ARMC8: variants seen among roughly 807,000 people sequenced by gnomAD.
ARMC8 encodes armadillo repeat-containing protein 8.
A neutral mutation model predicts 99.3 loss-of-function variants in ARMC8; 20 were observed. That is an observed-to-expected ratio of 0.20 (90% CI 0.14 to 0.29). ARMC8 has a LOEUF of 0.29. Ranked by LOEUF, ARMC8 falls within the 10% of genes least tolerant of loss-of-function variation. The pLI is 1.00. For missense variants in ARMC8, 569 were observed against 809.5 expected (o/e 0.70, Z 3.60); for synonymous variants, 263 against 278.3 (o/e 0.95, Z 0.55).
chr3:138,288,902 G>A, intron 19 of ARMC8, 146 bp from the exon 20 acceptor site: 3 of 607,394 alleles, frequency 4.9e-6, no homozygotes, highest in East Asian at 5.9e-5. Context: ...CTCCCAAAGT[G>A]CTGGGATTAC....
chr3:138,274,757 G>T lies in ARMC8; in HGVS notation c.1725+213G>T, dbSNP rs376582050. Reference sequence around the variant, plus strand: ...AAACATGACCAGCGTCTACAGTTTTGCTCTCTGTGTCATGCACTGTGCACA... The same window carrying T: ...AAACATGACCAGCGTCTACAGTTTTTCTCTCTGTGTCATGCACTGTGCACA... On this transcript the variant is annotated intron_variant, in intron 18 of 21. Coordinates refer to ENST00000469044, the MANE Select transcript of ARMC8 (RefSeq NM_001363941.2). 5.1e-4 allele frequency among the ~76,000 whole-genome samples: 78 copies of T among 152,214 alleles called. No homozygotes were observed. In the South Asian group the frequency reaches 0.015, roughly 29 times the overall value.
chr3:138,190,793 G>A (rs2043340557), intron 1 of ARMC8, among the ~76,000 whole-genome samples: 1 of 152,194 alleles, frequency 6.6e-6, no homozygotes, highest in Admixed American at 6.5e-5. Context: ...TTGAGTTTGG[G>A]AATACAGCCG....
chr3:138,239,770 T>C (rs2046517853), intron 10 of ARMC8, among the ~76,000 whole-genome samples: 2 of 152,204 alleles, frequency 1.3e-5, no homozygotes, highest in African/African-American at 4.8e-5. Flanking sequence ...TTTCATTTTA[T>C]GGTAATTAGG....
chr3:138,290,539 C>A lies in ARMC8; in HGVS notation c.1895-7C>A. The A allele has an allele frequency of 6.3e-7, 1 of 1,590,764 alleles. No homozygotes were observed. Among genetic ancestry groups the A allele is most frequent in the South Asian group, 1.2e-5 (1 of 86,878 alleles). On this transcript the variant is annotated splice_polypyrimidine_tract_variant and splice_region_variant and intron_variant, in intron 20 of 21. Transcript: ENST00000469044. ...ATGTTCCCAGTAACCTGGCTTTAAT[C>A]GTTTAGGTTCACAAGAACGCCAGGA...
chr3:138,269,315 G>A (rs983091042), intron 15 of ARMC8, among the ~76,000 whole-genome samples: 8 of 152,152 alleles, frequency 5.3e-5, no homozygotes, highest in Admixed American at 3.9e-4. Flanking sequence ...AGCATTCATC[G>A]GTGATGGTAA....
At position 138,283,770 on chromosome 3, in the gene ARMC8, G is replaced by A. The variant is rs1278834254; in HGVS notation, c.1726-661G>A. Among the ~76,000 whole-genome samples the A allele has an allele frequency of 2.6e-5, 4 of 152,164 alleles. No homozygotes were observed. In the East Asian group the frequency reaches 7.7e-4, roughly 29 times the overall value. On this transcript the variant is annotated intron_variant, in intron 18 of 21. Coordinates refer to ENST00000469044, the MANE Select transcript of ARMC8 (RefSeq NM_001363941.2). ...CATCAGTGCAGTGGTTGTCCTCAAG[G>A]TGTACTGTCCTTCCAGCTGGCACAG...
At chr3:138,241,388 A>G (rs1176448526) in intron 10 of ARMC8, among the ~76,000 whole-genome samples, 1 of 152,224 alleles carries the variant, frequency 6.6e-6, no homozygotes. Flanking sequence ...CCTAAGGCAA[A>G]ATCATTCCTG....
intron 12 of ARMC8, 128 bp downstream of exon 12, chr3:138,245,311 G>A: frequency 6.4e-7 from 1 of 1,563,030 alleles, no homozygotes; most frequent in East Asian, 2.3e-5. Context: ...GTGACTAAAG[G>A]CATAATTGAA....
At chr3:138,240,815 G>C (rs73227563) in intron 10 of ARMC8, among the ~76,000 whole-genome samples, 2,299 of 152,252 alleles carry the variant, frequency 0.015, 59 homozygotes, top group African/African-American at 0.051. Context: ...CTTTCAAGTG[G>C]ATCCGTCAGG....
intron 18 of ARMC8, among the ~76,000 whole-genome samples, chr3:138,279,815 T>C (rs1401196725): frequency 5.9e-5 from 9 of 152,230 alleles, no homozygotes; most frequent in Admixed American, 3.3e-4. Flanking sequence ...TTCAAATTTG[T>C]TAACATAAAA....
At chr3:138,210,257 T>A (rs1475392917) in intron 2 of ARMC8, among the ~76,000 whole-genome samples, 2 of 152,206 alleles carry the variant, frequency 1.3e-5, no homozygotes, top group Non-Finnish European at 2.9e-5. Flanking sequence ...TTTGTTTTGC[T>A]TTGTTTTGTT....
intron 6 of ARMC8, among the ~76,000 whole-genome samples, chr3:138,233,539 A>G (rs1049044267): frequency 6.6e-6 from 1 of 151,976 alleles, no homozygotes; most frequent in African/African-American, 2.4e-5. Flanking sequence ...TCAAAGTTAG[A>G]AAATATATGG....
Position 138,245,135 on chromosome 3 carries a change from C to T in ARMC8, c.1086C>T (p.Phe362=). The change falls in exon 12 of 22, where the codon TTC becomes TTT. Residue 362 remains phenylalanine, a synonymous_variant. Transcript: ENST00000469044. ...KHAHELRQAA[F]KLYASLGAND... is the part of the protein sequence containing the mutation. ...CTCACGAACTCCGCCAGGCTGCATT[C>T]AAGCTCTATGCCTCTCTTGGAGCAA... The T allele has an allele frequency of 6.2e-7, 1 of 1,614,184 alleles. No homozygotes were observed.
At chr3:138,292,998 A>G (rs945577616) in intron 21 of ARMC8, among the ~76,000 whole-genome samples, 3 of 152,120 alleles carry the variant, frequency 2.0e-5, no homozygotes, top group Non-Finnish European at 4.4e-5. Flanking sequence ...TCAGGTTGCT[A>G]TGTCCTCCAA....
rs1252580497 is a variant in ARMC8, at chr3:138,187,568, T to C, written c.14T>C (p.Leu5Ser). The C allele has an allele frequency of 6.5e-6, 10 of 1,535,762 alleles. No individual in the cohort carries two copies. The Admixed American group carries it at 2.0e-4, about 30-fold the overall frequency. The change falls in exon 1 of 22, where the codon TTG becomes TCG. Residue 5 changes from leucine (L) to serine (S), a missense_variant. By Grantham distance (145) the Leu-to-Ser change is moderately radical. Around this residue, in one of 2 missense-constraint regions of ARMC8, gnomAD observed 342 missense variants for 391.6 expected, o/e 0.87. Coordinates refer to ENST00000469044, the MANE Select transcript of ARMC8 (RefSeq NM_001363941.2). The part of the protein sequence containing the change: MACL[L>S]ETPIRMSVLS... ...GGAAGGCTCAAGATGGCGTGCTTGTTGGAGACCCCAATCCGCATGAGCGTC... is the reference window on the plus strand; with the variant it reads ...GGAAGGCTCAAGATGGCGTGCTTGTCGGAGACCCCAATCCGCATGAGCGTC...
At chr3:138,236,042 G>T (rs745730042) in intron 7 of ARMC8, among the ~76,000 whole-genome samples, 2 of 152,120 alleles carry the variant, frequency 1.3e-5, no homozygotes, top group Non-Finnish European at 2.9e-5. Flanking sequence ...TCCTGACCTT[G>T]TGATCCGCCT....
intron 16 of ARMC8, among the ~76,000 whole-genome samples, 169 bp downstream of exon 16, chr3:138,270,301 A>G (rs1298223873): frequency 6.6e-6 from 1 of 152,252 alleles, no homozygotes; most frequent in Non-Finnish European, 1.5e-5. Context: ...GTATTAAACT[A>G]ACAGATTTAA....
chr3:138,208,240 G>T (rs1180159193), intron 1 of ARMC8, among the ~76,000 whole-genome samples: 8 of 152,148 alleles, frequency 5.3e-5, no homozygotes, highest in Admixed American at 5.2e-4. Flanking sequence ...GGCCAAGGCG[G>T]GCGGATCACG....
chr3:138,296,725 A>G lies in ARMC8; in HGVS notation c.*833A>G, dbSNP rs1433340136. On this transcript the variant is annotated 3_prime_UTR_variant, in exon 22 of 22. Transcript: ENST00000469044. ...CCAAGTCAAATGGAGAAGTAAAGTGAGGCAACAGATTCACCATAGGCTTTT... is the reference window on the plus strand; with the variant it reads ...CCAAGTCAAATGGAGAAGTAAAGTGGGGCAACAGATTCACCATAGGCTTTT... 6.6e-6 allele frequency: 1 copy of G among 152,192 alleles called. No individual in the cohort carries two copies. Among genetic ancestry groups the G allele is most frequent in the Non-Finnish European group, 1.5e-5 (1 of 68,046 alleles). 9.4% of individuals were successfully genotyped at this position (152,192 alleles called of 1,614,324 possible).
Sources: gnomAD v4.1 joint callset for allele counts (sites outside exome capture counted in the v4.1 genomes callset) on GRCh38, gnomAD v4.1.1 for gene constraint, gnomAD v4.1.1 regional missense constraint, MANE v1.5 for transcripts, NCBI Gene and HGNC (gene_info 2026-07-23, HGNC 2026-07-21) for gene names.